The following CELSR1 variants were observed in gnomAD, a reference collection of about 807,000 sequenced individuals.
The protein encoded by CELSR1 is cadherin EGF LAG seven-pass G-type receptor 1, also known as adhesion G protein-coupled receptor C1.
In CELSR1, 110 loss-of-function variants were observed where a neutral mutation model predicts 249.1. The observed-to-expected ratio is 0.44, with a 90% CI of 0.38 to 0.52. CELSR1 has a LOEUF of 0.52. Ranked by LOEUF, CELSR1 falls within the 20% of genes least tolerant of loss-of-function variation. CELSR1 has a pLI of 0.00. For synonymous variants in CELSR1, 2,113 were observed against 1,900.0 expected (o/e 1.11, Z -2.92); for missense variants, 4,109 against 4,296.4 (o/e 0.96, Z 1.22).
intron 1 of CELSR1, among the ~76,000 whole-genome samples, chr22:46,529,526 G>C (rs2080771283): frequency 6.6e-6 from 1 of 152,146 alleles, no homozygotes; most frequent in Non-Finnish European, 1.5e-5. Flanking sequence ...AATAAGGCCA[G>C]GCACAGTGGC....
rs190294215 is a variant in CELSR1 at position 46,374,411 on chromosome 22, A to C, written c.7585-1354T>G. ...TTTTCCAGAAATAGAACAAAGACAA[A>C]AGCGGATGCATAATAAATCATTTCA... On this transcript the variant is annotated intron_variant, in intron 24 of 34. Transcript: ENST00000674500. The surrounding 1 kb of genome is among the most constrained non-coding windows in gnomAD (Gnocchi z 4.3). Among the ~76,000 whole-genome samples the C allele has an allele frequency of 3.3e-4, 50 of 152,328 alleles. No homozygotes were observed. The highest frequency in any genetic ancestry group is 9.9e-4 in the African/African-American group (41 of 41,558).
rs1215533371 is a variant in CELSR1 at position 46,441,316 on chromosome 22, T to C, written c.4184-1905A>G. Among the ~76,000 whole-genome samples the C allele has an allele frequency of 6.6e-6, 1 of 151,892 alleles. No homozygotes were observed. The highest frequency in any genetic ancestry group is 1.5e-5 in the Non-Finnish European group (1 of 67,966). On this transcript the variant is annotated intron_variant, in intron 2 of 34. Coordinates refer to ENST00000674500, the MANE Select transcript of CELSR1 (RefSeq NM_001378328.1). The surrounding 1 kb of genome is among the most constrained non-coding windows in gnomAD (Gnocchi z 6.1). ...AGTGGGATGGCTCCACGATGGGCCCTTTGGACAGGCACCTGCAATGTCCCC... is the reference window on the plus strand; with the variant it reads ...AGTGGGATGGCTCCACGATGGGCCCCTTGGACAGGCACCTGCAATGTCCCC...
At position 46,463,719 on chromosome 22, in the gene CELSR1, C is replaced by T. The variant is rs73888514; in HGVS notation, c.4171G>A (p.Glu1391Lys). Reference protein sequence around the residue: ...REGGYTCECFEDFTGEHCEVD... With the variant: ...REGGYTCECFKDFTGEHCEVD... ...CCCGGGCACCTACCAGTGAAGTCCTCGAAGCACTCGCAGGTGTAGCCGCCC... is the reference window on the plus strand; with the variant it reads ...CCCGGGCACCTACCAGTGAAGTCCTTGAAGCACTCGCAGGTGTAGCCGCCC... Residue 1391 changes from glutamate (E) to lysine (K), a missense_variant, in exon 2 of 35, where the codon GAG (glutamate) becomes AAG (lysine). By Grantham distance (56) the Glu-to-Lys change is moderately conservative. Around this residue, in one of 7 missense-constraint regions of CELSR1, gnomAD observed 453 missense variants for 492.0 expected, o/e 0.92. Coordinates refer to ENST00000674500, the MANE Select transcript of CELSR1 (RefSeq NM_001378328.1). 49 of 1,525,584 alleles carry T rather than the reference C, an allele frequency of 3.2e-5. No homozygotes were observed. In the African/African-American group the frequency reaches 6.2e-4, roughly 19 times the overall value. 94.5% of individuals were successfully genotyped at this position (1,525,584 alleles called of 1,614,324 possible).
chr22:46,408,012 T>C lies in CELSR1; in HGVS notation c.5226+984A>G, dbSNP rs984960963. Among the ~76,000 whole-genome samples the C allele has an allele frequency of 6.6e-6, 1 of 151,844 alleles. No individual in the cohort carries two copies. Among genetic ancestry groups the C allele is most frequent in the African/African-American group, 2.4e-5 (1 of 41,312 alleles). ...CCATGGCTGCCTCATGCGGCGGAGG[T>C]TGTGGCAGAAGGGCAGCCCGATGAC... On this transcript the variant is annotated intron_variant, in intron 9 of 34. Coordinates refer to ENST00000674500, the MANE Select transcript of CELSR1 (RefSeq NM_001378328.1). This position sits in a 1 kb window ranked among gnomAD's most constrained non-coding sequence, Gnocchi z 4.6.
intron 1 of CELSR1, among the ~76,000 whole-genome samples, chr22:46,515,832 C>A (rs1024021163): frequency 6.6e-6 from 1 of 152,200 alleles, no homozygotes; most frequent in African/African-American, 2.4e-5. Context: ...CACTGACCAG[C>A]ATCCACAGCA....
chr22:46,396,620 G>A lies in CELSR1; in HGVS notation c.5828C>T (p.Pro1943Leu), dbSNP rs564623506. ...VCECGPSHYG[P>L]YCENKLDLPC... Reference sequence around the variant, plus strand: ...CTGCTCTTACTTGTTCTCACAGTACGGCCCGTAGTGACTGGGCCCACACTC... The same window carrying A: ...CTGCTCTTACTTGTTCTCACAGTACAGCCCGTAGTGACTGGGCCCACACTC... Residue 1943 changes from proline to leucine, a missense_variant, in exon 13 of 35, where the codon CCG becomes CTG. By Grantham distance (98) the Pro-to-Leu change is moderately conservative. Coordinates refer to ENST00000674500, the MANE Select transcript of CELSR1 (RefSeq NM_001378328.1). The surrounding 1 kb of genome is among the most constrained non-coding windows in gnomAD (Gnocchi z 6.4). The A allele has an allele frequency of 9.4e-6, 15 of 1,598,950 alleles. 1 individual carries two copies. In the South Asian group the frequency reaches 1.4e-4, roughly 14 times the overall value.
intron 1 of CELSR1, among the ~76,000 whole-genome samples, chr22:46,507,903 C>A (rs1024789869): frequency 2.0e-5 from 3 of 152,008 alleles, no homozygotes; most frequent in South Asian, 4.1e-4. Flanking sequence ...TACCTCCTCA[C>A]ACCCCCCTAC....
intron 2 of CELSR1, among the ~76,000 whole-genome samples, chr22:46,444,088 G>A (rs1277693573): frequency 3.9e-5 from 6 of 152,180 alleles, no homozygotes; most frequent in East Asian, 1.9e-4. Context: ...GGCTGGGCCC[G>A]GGGCTCAGAC....
Position 46,408,851 on chromosome 22 carries a change from C to A in CELSR1, c.5226+145G>T. 1.5e-6 allele frequency: 1 copy of A among 647,490 alleles called. No homozygotes were observed. Among genetic ancestry groups the A allele is most frequent in the Non-Finnish European group, 2.6e-6 (1 of 390,444 alleles). 40.1% of individuals were successfully genotyped at this position (647,490 alleles called of 1,614,324 possible). On this transcript the variant is annotated intron_variant, in intron 9 of 34. Coordinates refer to ENST00000674500, the MANE Select transcript of CELSR1 (RefSeq NM_001378328.1). The surrounding 1 kb of genome is among the most constrained non-coding windows in gnomAD (Gnocchi z 4.6). ...GAAAGAAAGGGCTGATATTCCCCTT[C>A]CCCCTCTTCGGAGAACCCCAGGGGC...
In CELSR1 at chr22:46,394,164, G is replaced by C; in HGVS notation, c.5942C>G (p.Thr1981Ser). The change falls in exon 14 of 35, where the codon ACC (threonine) becomes AGC (serine). Residue 1981 changes from threonine (T) to serine (S), a missense_variant. Thr to Ser is a moderately conservative substitution (Grantham distance 58, BLOSUM62 1). Coordinates refer to ENST00000674500, the MANE Select transcript of CELSR1 (RefSeq NM_001378328.1). ...SKGFDPDCNK[T>S]NGQCQCKENY... The stretch of plus-strand genomic sequence containing the variant: ...CACCTTGCATTGGCACTGGCCGTTG[G>C]TCTTATTACAGTCGGGATCAAAGCC... 1 of 1,614,086 alleles carries C rather than the reference G, an allele frequency of 6.2e-7. No individual in the cohort carries two copies. Among genetic ancestry groups the C allele is most frequent in the Non-Finnish European group, 8.5e-7 (1 of 1,179,968 alleles).
At chr22:46,479,125 TCTC>T (rs1283707071) in intron 1 of CELSR1, among the ~76,000 whole-genome samples, 1 of 151,396 alleles carries the variant, frequency 6.6e-6, no homozygotes, top group Admixed American at 6.6e-5. Flanking sequence ...ATCTTCCTCT[TCTC>T]CTTGCCCGGA....
intron 1 of CELSR1, among the ~76,000 whole-genome samples, chr22:46,505,470 T>C (rs1370082193): frequency 1.3e-5 from 2 of 151,390 alleles, no homozygotes; most frequent in Non-Finnish European, 2.9e-5. Context: ...CTGGTCTCTA[T>C]AAACAATACA....
chr22:46,383,981 G>A (rs1400926776), intron 20 of CELSR1, among the ~76,000 whole-genome samples: 2 of 151,790 alleles, frequency 1.3e-5, no homozygotes, highest in Non-Finnish European at 2.9e-5. Context: ...TTGAGACGGA[G>A]TCTTACCAGG....
intron 5 of CELSR1, among the ~76,000 whole-genome samples, chr22:46,418,252 G>C (rs1403841865): frequency 6.6e-6 from 1 of 152,200 alleles, no homozygotes; most frequent in Non-Finnish European, 1.5e-5. Context: ...AGGCCGAGGT[G>C]GGCGGATCAC....
At chr22:46,365,417 G>A in intron 31 of CELSR1, 37 bp from the exon 32 acceptor site, 1 of 1,605,694 alleles carries the variant, frequency 6.2e-7, no homozygotes, top group Non-Finnish European at 8.5e-7. Flanking sequence ...CTCAGGCCCT[G>A]GGAGGTGAGG....
rs1490009683 is a variant in CELSR1 at position 46,393,773 on chromosome 22, C to G, written c.5964+369G>C. On this transcript the variant is annotated intron_variant, in intron 14 of 34. Coordinates refer to ENST00000674500, the MANE Select transcript of CELSR1 (RefSeq NM_001378328.1). The surrounding 1 kb of genome is among the most constrained non-coding windows in gnomAD (Gnocchi z 4.1). ...AAAAAAAGACCAGGAAAATGGCCAA[C>G]CAGGAGGCCAGGAGGGCCGGGGTGG... 6.6e-6 allele frequency among the ~76,000 whole-genome samples: 1 copy of G among 151,440 alleles called. No individual in the cohort carries two copies. The highest frequency in any genetic ancestry group is 1.5e-5 in the Non-Finnish European group (1 of 67,904).
chr22:46,511,748 G>C (rs953789573), intron 1 of CELSR1, among the ~76,000 whole-genome samples: 3 of 152,160 alleles, frequency 2.0e-5, no homozygotes, highest in Admixed American at 6.5e-5. Flanking sequence ...GGGAGAGTAG[G>C]GGGCAGAAGA....
Position 46,445,783 on chromosome 22 carries a change from G to A in CELSR1, c.4184-6372C>T, listed in dbSNP as rs895559904. Among the ~76,000 whole-genome samples, 5 of 152,108 alleles carry A rather than the reference G, an allele frequency of 3.3e-5. No homozygotes were observed. Among genetic ancestry groups the A allele is most frequent in the African/African-American group, 1.2e-4 (5 of 41,424 alleles). ...GCAGAGCCTTTCCCGTCGATGCTTC[G>A]GAGGTGGAAGCGTCCAGGACTCCCC... On this transcript the variant is annotated intron_variant, in intron 2 of 34. Coordinates refer to ENST00000674500, the MANE Select transcript of CELSR1 (RefSeq NM_001378328.1). The surrounding 1 kb of genome is among the most constrained non-coding windows in gnomAD (Gnocchi z 4.4).
In CELSR1 at chr22:46,428,422, G is replaced by A. The variant is rs544855272; in HGVS notation, c.4611+4971C>T. On this transcript the variant is annotated intron_variant, in intron 5 of 34. Transcript: ENST00000674500. This position sits in a 1 kb window ranked among gnomAD's most constrained non-coding sequence, Gnocchi z 5.7. The stretch of plus-strand genomic sequence containing the variant: ...CCCTTGGAGACCACCTGCTGCCCAC[G>A]TAGAGGCTGCTGCCTCAAGCTCCGG... Among the ~76,000 whole-genome samples, 70 of 152,308 alleles carry A rather than the reference G, an allele frequency of 4.6e-4. 1 individual carries two copies. The South Asian group carries it at 7.7e-3, about 17-fold the overall frequency.
Sources: allele counts gnomAD v4.1 joint callset (sites outside exome capture counted in the v4.1 genomes callset), GRCh38; gene constraint gnomAD v4.1.1; regional missense constraint gnomAD v4.1.1; non-coding constraint Gnocchi (gnomAD v3.1); transcripts MANE v1.5; gene names NCBI Gene and HGNC (gene_info 2026-07-23, HGNC 2026-07-21).